The following EYS variants were observed in gnomAD, a reference collection of about 807,000 sequenced individuals.
The protein encoded by EYS is protein eyes shut homolog.
EYS carries 250 observed loss-of-function variants against 282.1 expected under a neutral mutation model. The observed-to-expected ratio is 0.89, with a 90% CI of 0.80 to 0.98. The LOEUF is 0.98. Ranked by LOEUF, EYS falls within the 50% of genes least tolerant of loss-of-function variation. The pLI, the probability that EYS is intolerant of heterozygous loss-of-function variation, is 0.00. For missense variants in EYS, 4,016 were observed against 3,709.0 expected (o/e 1.08, Z -2.15); for synonymous variants, 1,355 against 1,282.9 (o/e 1.06, Z -1.20).
At chr6:64,805,795 A>G (rs1764403610) in intron 22 of EYS, among the ~76,000 whole-genome samples, 1 of 151,478 alleles carries the variant, frequency 6.6e-6, no homozygotes, top group South Asian at 2.1e-4. Flanking sequence ...TCTGATTTGG[A>G]GAACTAAAGT....
At chr6:65,181,689 C>T (rs1415173937) in intron 12 of EYS, among the ~76,000 whole-genome samples, 1 of 152,002 alleles carries the variant, frequency 6.6e-6, no homozygotes, top group East Asian at 1.9e-4. Flanking sequence ...ACCATTTGAC[C>T]CAGCCATCCC....
At chr6:64,480,852 A>G (rs1776415830) in intron 26 of EYS, among the ~76,000 whole-genome samples, 2 of 151,716 alleles carry the variant, frequency 1.3e-5, no homozygotes, top group African/African-American at 4.8e-5. Flanking sequence ...AATTTGCTGG[A>G]CATCAGGTTA....
At chr6:64,312,905 A>T (rs1329022220) in intron 29 of EYS, among the ~76,000 whole-genome samples, 1 of 152,220 alleles carries the variant, frequency 6.6e-6, no homozygotes. Flanking sequence ...CCAAAGATAG[A>T]TAAATCCACG....
At chr6:65,582,381 TTAATAAA>T (rs1486751254) in intron 2 of EYS, among the ~76,000 whole-genome samples, 1 of 152,066 alleles carries the variant, frequency 6.6e-6, no homozygotes, top group Non-Finnish European at 1.5e-5. Flanking sequence ...ACCAGGAAAC[TTAATAAA>T]TAGAAATTCA....
intron 12 of EYS, among the ~76,000 whole-genome samples, chr6:65,171,270 ATCCTT>A (rs1314705308): frequency 2.6e-5 from 4 of 151,702 alleles, no homozygotes; most frequent in African/African-American, 7.2e-5. Flanking sequence ...TACAATTTAT[ATCCTT>A]TCTTTTTCCA....
intron 2 of EYS, among the ~76,000 whole-genome samples, chr6:65,601,547 CA>C (rs1329597110): frequency 2.6e-5 from 4 of 151,902 alleles, no homozygotes; most frequent in African/African-American, 9.7e-5. Flanking sequence ...TCAATCAATG[CA>C]TCTGATGGAT....
chr6:65,494,961 T>C lies in EYS; in HGVS notation c.450A>G (p.Thr150=), dbSNP rs2127271277. 1.9e-6 allele frequency: 3 copies of C among 1,614,160 alleles called. No homozygotes were observed. The highest frequency in any genetic ancestry group is 2.5e-6 in the Non-Finnish European group (3 of 1,180,020). ...AAGGTGATGGACCACTTGCCATAAC[T>C]GTGATAAAATAATGTGTCCCAACAC... is the stretch of plus-strand genomic sequence containing the variant. ...WLSVGTHYFI[T]VMASGPSPCP... is the part of the protein sequence containing the mutation. The change falls in exon 4 of 43, where the codon ACA becomes ACG. Residue 150 remains threonine (T), a synonymous_variant. Coordinates refer to ENST00000503581, the MANE Select transcript of EYS (RefSeq NM_001142800.2).
At chr6:64,920,145 T>C (rs1224887827) in intron 15 of EYS, among the ~76,000 whole-genome samples, 1 of 151,906 alleles carries the variant, frequency 6.6e-6, no homozygotes, top group Non-Finnish European at 1.5e-5. Context: ...ACTTGGATGA[T>C]CAGAATTTAG....
chr6:64,716,252 G>C (rs1021029684), intron 22 of EYS, among the ~76,000 whole-genome samples: 4 of 152,166 alleles, frequency 2.6e-5, no homozygotes, highest in Non-Finnish European at 5.9e-5. Flanking sequence ...AGTCATGGTA[G>C]CCGCTCCATC....
chr6:65,392,522 G>A (rs1766085853), intron 7 of EYS, among the ~76,000 whole-genome samples: 1 of 152,174 alleles, frequency 6.6e-6, no homozygotes, highest in Admixed American at 6.5e-5. Context: ...GATATGAAAA[G>A]ACACTTCTCA....
chr6:65,058,513 G>T (rs1425192871), intron 12 of EYS, among the ~76,000 whole-genome samples: 1 of 151,142 alleles, frequency 6.6e-6, no homozygotes, highest in Non-Finnish European at 1.5e-5. Flanking sequence ...ATGAGTAATG[G>T]GTAGATGCAT....
rs1254056605 is a variant in EYS at position 65,490,712 on chromosome 6, A to G, written c.749-5T>C. 2 of 1,600,598 alleles carry G rather than the reference A, an allele frequency of 1.2e-6. No homozygotes were observed. The highest frequency in any genetic ancestry group is 3.3e-5 in the Admixed American group (2 of 59,876). On this transcript the variant is annotated splice_polypyrimidine_tract_variant and splice_region_variant and intron_variant, in intron 4 of 42. Transcript: ENST00000503581. ...TTATTTCTGAGCAATTCTTTCCTAT[A>G]ACAATGAAAAAAAGTTTTTTTTACA...
chr6:64,082,145 G>A, intron 31 of EYS, 143 bp from the exon 32 acceptor site: 1 of 557,440 alleles, frequency 1.8e-6, no homozygotes, highest in African/African-American at 1.9e-5. Context: ...AAGAACTTTA[G>A]ATATAAAGTG....
At chr6:64,233,546 T>C (rs1468709594) in intron 30 of EYS, among the ~76,000 whole-genome samples, 1 of 152,148 alleles carries the variant, frequency 6.6e-6, no homozygotes, top group Non-Finnish European at 1.5e-5. Flanking sequence ...TAATTAGCAA[T>C]GTAAAAAAGG....
At chr6:63,835,593 G>A (rs890580253) in intron 36 of EYS, among the ~76,000 whole-genome samples, 1 of 151,956 alleles carries the variant, frequency 6.6e-6, no homozygotes, top group Admixed American at 6.6e-5. Flanking sequence ...AAGAGTGGGA[G>A]GGAGGCGAGA....
At chr6:64,850,418 G>A (rs2150041286) in intron 19 of EYS, among the ~76,000 whole-genome samples, 1 of 152,152 alleles carries the variant, frequency 6.6e-6, no homozygotes, top group Admixed American at 6.6e-5. Context: ...AAAAATACAT[G>A]ACCCCCATAA....
chr6:64,860,749 A>G (rs574326065), intron 19 of EYS, among the ~76,000 whole-genome samples: 25 of 152,302 alleles, frequency 1.6e-4, no homozygotes, highest in African/African-American at 5.8e-4. Flanking sequence ...GTGGGTCCTG[A>G]GTTCTTGTCC....
chr6:64,503,797 T>A (rs1582828955), intron 26 of EYS, among the ~76,000 whole-genome samples: 3 of 152,104 alleles, frequency 2.0e-5, no homozygotes, highest in African/African-American at 7.2e-5. Flanking sequence ...CAAATTGTAA[T>A]CCCTACATAT....
At chr6:63,994,004 G>T (rs1767720910) in intron 34 of EYS, among the ~76,000 whole-genome samples, 1 of 151,878 alleles carries the variant, frequency 6.6e-6, no homozygotes, top group Non-Finnish European at 1.5e-5. Flanking sequence ...ATGGTCAAAT[G>T]ATCTTTGAAA....
Sources: allele counts gnomAD v4.1 joint callset (sites outside exome capture counted in the v4.1 genomes callset), GRCh38; gene constraint gnomAD v4.1.1; transcripts MANE v1.5; gene names NCBI Gene and HGNC (gene_info 2026-07-23, HGNC 2026-07-21).